The following TSHZ2 variants were observed in gnomAD, a reference collection of about 807,000 sequenced individuals.
The protein encoded by TSHZ2 is teashirt zinc finger homeobox 2, also known as teashirt homolog 2.
TSHZ2 carries 21 observed loss-of-function variants against 74.4 expected under a neutral mutation model. That is an observed-to-expected ratio of 0.28 (90% CI 0.20 to 0.41). The LOEUF (loss-of-function observed/expected upper bound fraction) is 0.41, where lower values mean the gene tolerates loss of function less well. TSHZ2 is among the 10% of genes least tolerant of loss of function. The pLI, the probability that TSHZ2 is intolerant of heterozygous loss-of-function variation, is 1.00. For missense variants in TSHZ2, 1,244 were observed against 1,293.5 expected (o/e 0.96, Z 0.59); for synonymous variants, 540 against 515.3 (o/e 1.05, Z -0.65).
chr20:53,366,932 G>A (rs1311106045), intron 2 of TSHZ2, among the ~76,000 whole-genome samples: 1 of 152,174 alleles, frequency 6.6e-6, no homozygotes, highest in Non-Finnish European at 1.5e-5. Flanking sequence ...GTTCAACTTT[G>A]TAAAGGAAAG....
At chr20:53,152,366 C>A (rs1036889862) in intron 1 of TSHZ2, among the ~76,000 whole-genome samples, 2 of 152,092 alleles carry the variant, frequency 1.3e-5, no homozygotes, top group African/African-American at 2.4e-5. Flanking sequence ...TAACTTTAAC[C>A]CTGACCTTCA....
chr20:53,023,081 T>A (rs1983306126), intron 1 of TSHZ2, among the ~76,000 whole-genome samples: 2 of 152,214 alleles, frequency 1.3e-5, no homozygotes, highest in African/African-American at 4.8e-5. Context: ...TGGGAATGTT[T>A]TTCCTTCAGC....
chr20:53,232,715 G>A (rs1989855119), intron 1 of TSHZ2, among the ~76,000 whole-genome samples: 1 of 152,118 alleles, frequency 6.6e-6, no homozygotes. Flanking sequence ...GGGCAACAGA[G>A]CGAGACCCCC....
At chr20:53,478,518 G>A (rs1417309157) in intron 2 of TSHZ2, among the ~76,000 whole-genome samples, 1 of 116,210 alleles carries the variant, frequency 8.6e-6, no homozygotes, top group African/African-American at 3.1e-5. Context: ...GTTGTAGGGT[G>A]GGGGGAGGGG....
intron 2 of TSHZ2, among the ~76,000 whole-genome samples, chr20:53,371,642 G>A (rs1399672736): frequency 3.3e-5 from 5 of 152,130 alleles, no homozygotes; most frequent in African/African-American, 7.2e-5. Context: ...TTGGGAGGCC[G>A]AAGTGGGCGG....
chr20:53,376,815 C>A (rs1981675353), intron 2 of TSHZ2, among the ~76,000 whole-genome samples: 1 of 152,258 alleles, frequency 6.6e-6, no homozygotes, highest in Non-Finnish European at 1.5e-5. Flanking sequence ...CATGGGCCAA[C>A]TCTCCCTAGA....
At chr20:53,446,740 C>A (rs1379857633) in intron 2 of TSHZ2, among the ~76,000 whole-genome samples, 1 of 152,318 alleles carries the variant, frequency 6.6e-6, no homozygotes, top group African/African-American at 2.4e-5. Flanking sequence ...CTGCAATCAT[C>A]TCTTGCCAGT....
At chr20:53,428,597 C>G (rs990744343) in intron 2 of TSHZ2, among the ~76,000 whole-genome samples, 1 of 152,146 alleles carries the variant, frequency 6.6e-6, no homozygotes, top group African/African-American at 2.4e-5. Context: ...GGTCAATGAA[C>G]TCATTGGCAT....
At chr20:53,416,720 A>C (rs1428306159) in intron 2 of TSHZ2, among the ~76,000 whole-genome samples, 1 of 152,238 alleles carries the variant, frequency 6.6e-6, no homozygotes, top group African/African-American at 2.4e-5. Flanking sequence ...AACATAGTAG[A>C]TGTCCCACAA....
At chr20:53,158,064 T>G (rs1286793292) in intron 1 of TSHZ2, among the ~76,000 whole-genome samples, 2 of 152,084 alleles carry the variant, frequency 1.3e-5, no homozygotes, top group South Asian at 4.2e-4. Context: ...GGAGGCGATA[T>G]TTGAACAAGA....
intron 1 of TSHZ2, among the ~76,000 whole-genome samples, chr20:52,995,787 A>ATT (rs11474850): frequency 1.4e-5 from 2 of 142,584 alleles, no homozygotes; most frequent in Admixed American, 7.0e-5. Context: ...TAATTTTTGT[A>ATT]TTTTTTTTTT....
chr20:53,280,814 TC>T (rs34447705), intron 2 of TSHZ2, among the ~76,000 whole-genome samples: 1 of 152,066 alleles, frequency 6.6e-6, no homozygotes, highest in East Asian at 1.9e-4. Context: ...TGTCTCAACC[TC>T]CCGAGTAGCT....
At chr20:53,405,259 A>AAT (rs11389299) in intron 2 of TSHZ2, among the ~76,000 whole-genome samples, 1 of 151,574 alleles carries the variant, frequency 6.6e-6, no homozygotes, top group Non-Finnish European at 1.5e-5. Flanking sequence ...AAAAAAAAAA[A>AAT]CAAAGTTGCA....
intron 1 of TSHZ2, among the ~76,000 whole-genome samples, chr20:53,185,102 G>A (rs1307356094): frequency 6.6e-6 from 1 of 152,126 alleles, no homozygotes; most frequent in Admixed American, 6.6e-5. Context: ...CAGTTGTTTT[G>A]TTTATACATT....
chr20:53,451,602 G>T (rs6063947), intron 2 of TSHZ2, among the ~76,000 whole-genome samples: 50,213 of 151,970 alleles, frequency 0.33, 8,621 homozygotes, highest in Admixed American at 0.36. Flanking sequence ...AGATCCTGCC[G>T]TAAAAACTCT....
chr20:53,360,688 C>T (rs961786990), intron 2 of TSHZ2, among the ~76,000 whole-genome samples: 9 of 152,072 alleles, frequency 5.9e-5, no homozygotes, highest in African/African-American at 2.2e-4. Flanking sequence ...TCTTAGAAAG[C>T]CCAAAAATGT....
rs148874290 is a variant in TSHZ2, at chr20:53,201,504, G to T, written c.41-51995G>T. On this transcript the variant is annotated intron_variant, in intron 1 of 2. Transcript: ENST00000371497. ...CCTCCCTCTCATAAAGCCCCTTTGG[G>T]TCCTTCTCATTTTGGCTACCTGGAA... is the stretch of plus-strand genomic sequence containing the variant. Among the ~76,000 whole-genome samples, 1,455 of 152,192 alleles carry T rather than the reference G, an allele frequency of 9.6e-3. 23 individuals carry two copies. Among genetic ancestry groups the T allele is most frequent in the African/African-American group, 0.033 (1,388 of 41,506 alleles).
At chr20:53,332,299 A>G (rs1281645460) in intron 2 of TSHZ2, among the ~76,000 whole-genome samples, 1 of 152,214 alleles carries the variant, frequency 6.6e-6, no homozygotes, top group Non-Finnish European at 1.5e-5. Context: ...AGATGCCTCT[A>G]AGGCTTGGGC....
chr20:53,424,920 A>G (rs929837991), intron 2 of TSHZ2, among the ~76,000 whole-genome samples: 1 of 152,182 alleles, frequency 6.6e-6, no homozygotes, highest in African/African-American at 2.4e-5. Context: ...GCTGCATAGT[A>G]TTCCATGGTG....
Sources: gnomAD v4.1 joint callset for allele counts (sites outside exome capture counted in the v4.1 genomes callset) on GRCh38, gnomAD v4.1.1 for gene constraint, MANE v1.5 for transcripts, NCBI Gene and HGNC (gene_info 2026-07-23, HGNC 2026-07-21) for gene names.